Variants in CRACD observed in about 807,000 individuals in gnomAD.
CRACD encodes the protein capping protein-inhibiting regulator of actin dynamics.
A neutral mutation model predicts 106.8 loss-of-function variants in CRACD; 56 were observed. That is an observed-to-expected ratio of 0.52 (90% CI 0.42 to 0.66). The LOEUF (loss-of-function observed/expected upper bound fraction) is 0.66. CRACD is among the 30% of genes least tolerant of loss of function. The pLI is 0.00. For missense variants in CRACD, 1,730 were observed against 1,623.2 expected (o/e 1.07, Z -1.13); for synonymous variants, 754 against 670.8 (o/e 1.12, Z -1.92).
At chr4:56,139,470 G>A (rs1468101907) in intron 1 of CRACD, among the ~76,000 whole-genome samples, 1 of 152,192 alleles carries the variant, frequency 6.6e-6, no homozygotes, top group Non-Finnish European at 1.5e-5. Flanking sequence ...AGGAGAAAAG[G>A]TTATTAAACC....
intron 1 of CRACD, among the ~76,000 whole-genome samples, chr4:56,177,600 T>G (rs1433226715): frequency 6.6e-6 from 1 of 152,202 alleles, no homozygotes; most frequent in Non-Finnish European, 1.5e-5. Context: ...TGGTATTAGT[T>G]TTTCTTTAAA....
At chr4:56,217,676 C>T (rs1385696325) in intron 2 of CRACD, among the ~76,000 whole-genome samples, 2 of 152,096 alleles carry the variant, frequency 1.3e-5, no homozygotes, top group Admixed American at 1.3e-4. Flanking sequence ...GTATTAAAGT[C>T]TCTGTTTTAA....
At chr4:56,127,438 A>G (rs1166243902) in intron 1 of CRACD, among the ~76,000 whole-genome samples, 1 of 152,164 alleles carries the variant, frequency 6.6e-6, no homozygotes, top group African/African-American at 2.4e-5. Context: ...TTTAAGAACA[A>G]GAGTTCATAG....
At chr4:56,184,200 A>C (rs1736986294) in intron 2 of CRACD, among the ~76,000 whole-genome samples, 1 of 152,064 alleles carries the variant, frequency 6.6e-6, no homozygotes, top group African/African-American at 2.4e-5. Context: ...CCTCCCGAGT[A>C]GCTGGGACTA....
chr4:56,205,428 T>TATACCTTAAAAGAGCCACAGTTGTCC (rs1423315935), intron 2 of CRACD, among the ~76,000 whole-genome samples: 1 of 152,034 alleles, frequency 6.6e-6, no homozygotes, highest in Non-Finnish European at 1.5e-5. Context: ...ACCACTGGGA[T>TATACCTTAAAAGAGCCACAGTTGTCC]ATACCTTAAA....
At chr4:56,119,468 C>T (rs1291788258) in intron 1 of CRACD, among the ~76,000 whole-genome samples, 1 of 151,756 alleles carries the variant, frequency 6.6e-6, no homozygotes, top group Non-Finnish European at 1.5e-5. Flanking sequence ...GTAGCTGGGA[C>T]TACAGGTGCA....
At chr4:56,116,951 G>A (rs889747404) in intron 1 of CRACD, among the ~76,000 whole-genome samples, 2 of 150,174 alleles carry the variant, frequency 1.3e-5, no homozygotes, top group Admixed American at 6.6e-5. Flanking sequence ...CAGGTGATCC[G>A]CCCACCTCTG....
chr4:56,202,784 T>A (rs576438880), intron 2 of CRACD, among the ~76,000 whole-genome samples: 5 of 152,336 alleles, frequency 3.3e-5, no homozygotes, highest in South Asian at 2.1e-4. Context: ...AAAAGTATTT[T>A]ATGATCACTA....
At chr4:56,323,319 CTGAGG>C in intron 8 of CRACD, 53 bp from the exon 9 acceptor site, 1 of 1,467,516 alleles carries the variant, frequency 6.8e-7, no homozygotes, top group Non-Finnish European at 9.3e-7. Flanking sequence ...GGGTGAGGAA[CTGAGG>C]TAAGTCCGCA....
At chr4:56,220,171 A>G (rs1738952136) in intron 2 of CRACD, among the ~76,000 whole-genome samples, 1 of 152,222 alleles carries the variant, frequency 6.6e-6, no homozygotes, top group African/African-American at 2.4e-5. Flanking sequence ...TATTCTTATT[A>G]CTGATCAAGT....
At position 56,056,066 on chromosome 4, in the gene CRACD, C is replaced by G. The variant is rs113955899; in HGVS notation, c.-336+6767C>G. On this transcript the variant is annotated intron_variant, in intron 1 of 10. Transcript: ENST00000682029. Reference sequence around the variant, plus strand: ...GTTGAACTTTCATCTGAACAGTTGTCTTTTCAAGTTATGATTTTTGAGATG... The same window carrying G: ...GTTGAACTTTCATCTGAACAGTTGTGTTTTCAAGTTATGATTTTTGAGATG... 5.1e-3 allele frequency among the ~76,000 whole-genome samples: 779 copies of G among 152,272 alleles called. 6 individuals are homozygous for G. Among genetic ancestry groups the G allele is most frequent in the Admixed American group, 0.015 (227 of 15,296 alleles).
At chr4:56,136,798 T>C (rs1414579675) in intron 1 of CRACD, among the ~76,000 whole-genome samples, 3 of 152,138 alleles carry the variant, frequency 2.0e-5, no homozygotes, top group Non-Finnish European at 4.4e-5. Flanking sequence ...GTTTTGTGCT[T>C]TTTAAGTCCT....
intron 2 of CRACD, among the ~76,000 whole-genome samples, chr4:56,240,527 C>T (rs572625166): frequency 1.1e-4 from 17 of 152,206 alleles, no homozygotes; most frequent in African/African-American, 4.1e-4. Context: ...TTCTTAAATT[C>T]AAGGCCTCAC....
At chr4:56,176,572 G>C (rs556948269) in intron 1 of CRACD, among the ~76,000 whole-genome samples, 1 of 151,994 alleles carries the variant, frequency 6.6e-6, no homozygotes, top group African/African-American at 2.4e-5. Context: ...GGGACTACAG[G>C]CACCCACTAC....
In CRACD at chr4:56,314,052, GAGCAAGGC is replaced by G; in HGVS notation, c.551_558del (p.Glu184GlyfsTer3). 1 of 1,613,550 alleles carries G rather than the reference GAGCAAGGC, an allele frequency of 6.2e-7. No homozygotes were observed. The highest frequency in any genetic ancestry group is 8.5e-7 in the Non-Finnish European group (1 of 1,179,760). ...TTTCCAATGTTAGGATCCACAACAT[GAGCAAGGC>G]GGCCTTGAGAGTCGGCCCTGCCTGG... is the stretch of plus-strand genomic sequence containing the variant. On this transcript the variant is annotated frameshift_variant, in exon 8 of 11. Coordinates refer to ENST00000682029, the MANE Select transcript of CRACD (RefSeq NM_001393381.1). LOFTEE classifies it high-confidence loss of function. This position sits in a 1 kb window ranked among gnomAD's most constrained non-coding sequence, Gnocchi z 4.4.
intron 2 of CRACD, among the ~76,000 whole-genome samples, chr4:56,183,545 C>T (rs867845018): frequency 6.6e-6 from 1 of 152,190 alleles, no homozygotes; most frequent in Non-Finnish European, 1.5e-5. Flanking sequence ...CTGAGTTAGG[C>T]TGAAGGTAGA....
intron 1 of CRACD, among the ~76,000 whole-genome samples, chr4:56,108,482 C>T (rs766390084): frequency 5.3e-5 from 8 of 152,138 alleles, no homozygotes; most frequent in Admixed American, 5.2e-4. Flanking sequence ...CGGGGCTTAG[C>T]GGGTGTTCTC....
Position 56,231,876 on chromosome 4 carries a change from C to T in CRACD, c.-188-40445C>T, listed in dbSNP as rs146449903. ...TGACCCAGCAATTTAGGTATTCAGA[C>T]TTTATATACAAGCAGCTATAAAATG... On this transcript the variant is annotated intron_variant, in intron 2 of 10. Coordinates refer to ENST00000682029, the MANE Select transcript of CRACD (RefSeq NM_001393381.1). 2.5e-3 allele frequency among the ~76,000 whole-genome samples: 376 copies of T among 152,278 alleles called. 1 individual carries two copies. The highest frequency in any genetic ancestry group is 8.5e-3 in the African/African-American group (353 of 41,546).
chr4:56,211,079 G>A (rs1211411701), intron 2 of CRACD, among the ~76,000 whole-genome samples: 10 of 152,080 alleles, frequency 6.6e-5, no homozygotes, highest in East Asian at 1.9e-4. Flanking sequence ...GGGAGCCCTC[G>A]TTTTCAAATG....
Sources: allele counts gnomAD v4.1 joint callset (sites outside exome capture counted in the v4.1 genomes callset), GRCh38; gene constraint gnomAD v4.1.1; non-coding constraint Gnocchi (gnomAD v3.1); transcripts MANE v1.5; gene names NCBI Gene and HGNC (gene_info 2026-07-23, HGNC 2026-07-21).